The following CAMTA2 variants were observed in gnomAD, a reference collection of about 807,000 sequenced individuals.
CAMTA2 encodes the protein calmodulin binding transcription activator 2.
CAMTA2 carries 56 observed loss-of-function variants against 135.7 expected under a neutral mutation model. The ratio of observed to expected loss-of-function variants is 0.41; its 90% CI spans 0.33 to 0.52. The LOEUF is 0.52. CAMTA2 is among the 20% of genes least tolerant of loss of function. The pLI is 0.16. For missense variants in CAMTA2, 1,358 were observed against 1,553.4 expected (o/e 0.87, Z 2.11); for synonymous variants, 591 against 604.6 (o/e 0.98, Z 0.33).
In CAMTA2 at chr17:4,968,646, A is replaced by G. The variant is rs1972055248; in HGVS notation, c.*110T>C. 1.6e-6 allele frequency: 2 copies of G among 1,275,774 alleles called. No individual in the cohort carries two copies. The highest frequency in any genetic ancestry group is 2.9e-5 in the African/African-American group (2 of 68,260). 79.0% of individuals were successfully genotyped at this position (1,275,774 alleles called of 1,614,324 possible). A position where few individuals can be genotyped will look rare whatever the true frequency, so the allele number is the denominator to read the frequency against. On this transcript the variant is annotated 3_prime_UTR_variant, in exon 23 of 23. Transcript: ENST00000348066. ...GAGGAGGCCTACAGAGGGCTCCAAC[A>G]AAGGTGAACAGGAAAGCTGCCGACA...
chr17:4,973,620 G>C lies in CAMTA2; in HGVS notation c.2166C>G (p.Gly722=). The C allele has an allele frequency of 6.2e-7, 1 of 1,613,076 alleles. No homozygotes were observed. Among genetic ancestry groups the C allele is most frequent in the East Asian group, 2.2e-5 (1 of 44,854 alleles). Residue 722 remains glycine (G), a synonymous_variant, in exon 13 of 23, where the codon GGC becomes GGG. Coordinates refer to ENST00000348066, the MANE Select transcript of CAMTA2 (RefSeq NM_015099.4). The stretch of plus-strand genomic sequence containing the variant: ...TCAGGGTCTCGATGAGGCGGGCATA[G>C]CCCTGGGCAGCAGCCAGGTGCAGAA... ...MSLLHLAAAQ[G]YARLIETLSQ... is the part of the protein sequence containing the mutation.
chr17:4,978,553 T>C lies in CAMTA2; in HGVS notation c.1716A>G (p.Ala572=). The C allele has an allele frequency of 6.2e-7, 1 of 1,614,152 alleles. No individual in the cohort carries two copies. Among genetic ancestry groups the C allele is most frequent in the Non-Finnish European group, 8.5e-7 (1 of 1,179,998 alleles). The part of the protein sequence containing the change: ...EHYSCVFDHI[A]VPASLVQPGV... ...CAGGCTGGACAAGTGAGGCTGGCACTGCGATGTGATCAAAGACACAGGAGT... is the reference window on the plus strand; with the variant it reads ...CAGGCTGGACAAGTGAGGCTGGCACCGCGATGTGATCAAAGACACAGGAGT... Residue 572 remains alanine (A), a synonymous_variant, in exon 10 of 23, where the codon GCA becomes GCG. Coordinates refer to ENST00000348066, the MANE Select transcript of CAMTA2 (RefSeq NM_015099.4).
chr17:4,971,414 G>A (rs1158860735), intron 16 of CAMTA2, among the ~76,000 whole-genome samples: 1 of 152,160 alleles, frequency 6.6e-6, no homozygotes, highest in Non-Finnish European at 1.5e-5. Context: ...GGCACAGTCA[G>A]CTCACTGCAA....
At chr17:4,985,327 C>T (rs1330374358) in intron 3 of CAMTA2, among the ~76,000 whole-genome samples, 3 of 152,240 alleles carry the variant, frequency 2.0e-5, no homozygotes, top group Non-Finnish European at 2.9e-5. Context: ...ATGTTTAGCA[C>T]GGTGCCCAGT....
At chr17:4,973,036 GC>G in intron 14 of CAMTA2, 45 bp from the exon 15 acceptor site, 1 of 1,555,180 alleles carries the variant, frequency 6.4e-7, no homozygotes, top group Non-Finnish European at 8.9e-7. Flanking sequence ...TGGAGGTGAG[GC>G]CAGGGGCTCT....
chr17:4,971,280 G>T (rs1972269332), intron 16 of CAMTA2, among the ~76,000 whole-genome samples: 1 of 152,104 alleles, frequency 6.6e-6, no homozygotes, highest in South Asian at 2.1e-4. Flanking sequence ...CGTCATCTTG[G>T]TTCTCCTAGA....
Position 4,968,922 on chromosome 17 carries a change from C to A in CAMTA2, c.3530G>T (p.Arg1177Leu). 1 of 1,614,026 alleles carries A rather than the reference C, an allele frequency of 6.2e-7. No homozygotes were observed. Among genetic ancestry groups the A allele is most frequent in the Middle Eastern group, 1.6e-4 (1 of 6,062 alleles). The change falls in exon 22 of 23, where the codon CGG (arginine) becomes CTG (leucine). Residue 1177 changes from arginine (R) to leucine (L), a missense_variant. This residue lies in a region of CAMTA2 where 167 missense variants were observed against 207.0 expected (regional missense o/e 0.81). Transcript: ENST00000348066. ...GGATGAGTACCTGTGTCGGCAGCGCCGCAGGAATCTCATGATCTTCCGGGC... is the reference window on the plus strand; with the variant it reads ...GGATGAGTACCTGTGTCGGCAGCGCAGCAGGAATCTCATGATCTTCCGGGC... ...QAARKIMRFL[R>L]RCRHRMRELK...
intron 3 of CAMTA2, among the ~76,000 whole-genome samples, chr17:4,984,965 C>T (rs1338573898): frequency 6.7e-6 from 1 of 149,612 alleles, no homozygotes; most frequent in Non-Finnish European, 1.5e-5. Context: ...TGCAGTGAGC[C>T]GAGATCGCGC....
chr17:4,972,958 C>G lies in CAMTA2; in HGVS notation c.2314G>C (p.Ala772Pro). The stretch of plus-strand genomic sequence containing the variant: ...CGGTTCCAACGGAAAAGGAGCACAG[C>G]AGCTTCCAGGTGTCCCAGGGCACAA... ...WACALGHLEA[A>P]VLLFRWNRQA... Residue 772 changes from alanine (A) to proline (P), a missense_variant, in exon 15 of 23, where the codon GCT becomes CCT. Physicochemically the swap from Ala to Pro is conservative, Grantham distance 27 (BLOSUM62 -1). Coordinates refer to ENST00000348066, the MANE Select transcript of CAMTA2 (RefSeq NM_015099.4). The G allele has an allele frequency of 6.2e-7, 1 of 1,613,438 alleles. No homozygotes were observed. Among genetic ancestry groups the G allele is most frequent in the South Asian group, 1.1e-5 (1 of 91,088 alleles).
At position 4,987,321 on chromosome 17, in the gene CAMTA2, G is replaced by A. The variant is rs1597792249; in HGVS notation, c.-65+272C>T. 42 of 1,345,098 alleles carry A rather than the reference G, an allele frequency of 3.1e-5. No individual in the cohort carries two copies. In the South Asian group the frequency reaches 6.2e-4, roughly 20 times the overall value. The allele number at this position is 1,345,098 out of a possible 1,614,324, so 83.3% of individuals were successfully genotyped here. On this transcript the variant is annotated intron_variant, in intron 1 of 22. Coordinates refer to ENST00000348066, the MANE Select transcript of CAMTA2 (RefSeq NM_015099.4). The stretch of plus-strand genomic sequence containing the variant: ...ATAGAGGGATGTTCTGGAGAAGCCG[G>A]GAGCAGAGTCCGCGGGCACGCGGTG...
chr17:4,974,601 C>T (rs1972506917), intron 11 of CAMTA2, 101 bp from the exon 12 acceptor site: 1 of 727,532 alleles, frequency 1.4e-6, no homozygotes, highest in Non-Finnish European at 2.5e-6. Flanking sequence ...GGACACAGAA[C>T]CATATTCTTT....
In CAMTA2 at chr17:4,987,646, C is replaced by T. The variant is rs1028089396; in HGVS notation, c.-118G>A. 6.6e-7 allele frequency: 1 copy of T among 1,522,274 alleles called. No homozygotes were observed. Among genetic ancestry groups the T allele is most frequent in the Non-Finnish European group, 8.8e-7 (1 of 1,139,914 alleles). 94.3% of individuals were successfully genotyped at this position (1,522,274 alleles called of 1,614,324 possible). A position where few individuals can be genotyped will look rare whatever the true frequency, so the allele number is the denominator to read the frequency against. On this transcript the variant is annotated 5_prime_UTR_variant, in exon 1 of 23. Coordinates refer to ENST00000348066, the MANE Select transcript of CAMTA2 (RefSeq NM_015099.4). ...AGCGGCCATTCTACCCCACACCGAC[C>T]CCCCCCAGCGCCGGCTGACAGCGGC...
intron 1 of CAMTA2, 45 bp downstream of exon 1, chr17:4,987,548 T>C (rs8071428): frequency 0.73 from 1,091,903 of 1,497,266 alleles, 404,063 homozygotes; most frequent in Middle Eastern, 0.77. Flanking sequence ...AGCTGCGCCC[T>C]CTGGCGCGGG....
chr17:4,987,422 C>T, intron 1 of CAMTA2, 171 bp downstream of exon 1: 1 of 1,385,072 alleles, frequency 7.2e-7, no homozygotes, highest in East Asian at 2.9e-5. Flanking sequence ...GCCGTGGGGC[C>T]CTGCGGTGAG....
In CAMTA2 at chr17:4,972,172, T is replaced by A; in HGVS notation, c.2808+60A>T. ...AGACTTTGATTCTGCTTCATGGAAG[T>A]CGGCCTCACCCTTCCTACTCCACTT... On this transcript the variant is annotated intron_variant, in intron 16 of 22. Transcript: ENST00000348066. The A allele has an allele frequency of 2.2e-6, 3 of 1,392,482 alleles. No homozygotes were observed. The South Asian group carries it at 3.8e-5, about 17-fold the overall frequency. The allele number at this position is 1,392,482 out of a possible 1,614,324, so 86.3% of individuals were successfully genotyped here. A position where few individuals can be genotyped will look rare whatever the true frequency, so the allele number is the denominator to read the frequency against.
At position 4,982,818 on chromosome 17, in the gene CAMTA2, T is replaced by C; in HGVS notation, c.278A>G (p.Lys93Arg). Reference sequence around the variant, plus strand: ...TCGGGTGGTCTTCCCATCCTTCCGCTTCTTCCAGAGGTAACCATCCTTCCG... The same window carrying C: ...TCGGGTGGTCTTCCCATCCTTCCGCCTCTTCCAGAGGTAACCATCCTTCCG... ...KYRKDGYLWK[K>R]RKDGKTTRED... The change falls in exon 5 of 23, where the codon AAG (lysine) becomes AGG (arginine). Residue 93 changes from lysine to arginine, a missense_variant. Transcript: ENST00000348066. The C allele has an allele frequency of 6.2e-7, 1 of 1,614,096 alleles. No individual in the cohort carries two copies. Among genetic ancestry groups the C allele is most frequent in the Non-Finnish European group, 8.5e-7 (1 of 1,180,000 alleles).
intron 3 of CAMTA2, 119 bp downstream of exon 3, chr17:4,985,761 A>C (rs138073953): frequency 1.4e-6 from 1 of 702,366 alleles, no homozygotes. Context: ...GGATCCCCAA[A>C]GAGCTTAGAA....
chr17:4,985,016 C>CA (rs565945709), intron 3 of CAMTA2, among the ~76,000 whole-genome samples: 19,849 of 98,136 alleles, frequency 0.2, 1,598 homozygotes, highest in Middle Eastern at 0.3. Flanking sequence ...GACTCCATCT[C>CA]AAAAAAAAAA....
At chr17:4,981,531 T>C in intron 7 of CAMTA2, 147 bp downstream of exon 7, 1 of 1,239,770 alleles carries the variant, frequency 8.1e-7, no homozygotes, top group Non-Finnish European at 1.1e-6. Context: ...CGTATTCTAA[T>C]ACCTGAGAAC....
Sources: gnomAD v4.1 joint callset for allele counts (sites outside exome capture counted in the v4.1 genomes callset) on GRCh38, gnomAD v4.1.1 for gene constraint, gnomAD v4.1.1 regional missense constraint, MANE v1.5 for transcripts, NCBI Gene and HGNC (gene_info 2026-07-23, HGNC 2026-07-21) for gene names.